SLC9B2: variants seen among roughly 807,000 people sequenced by gnomAD.
SLC9B2 encodes the protein solute carrier family 9 member B2, also known as sodium/hydrogen exchanger 9B2.
A neutral mutation model predicts 52.2 loss-of-function variants in SLC9B2; 39 were observed. The observed-to-expected ratio is 0.75, with a 90% CI of 0.58 to 0.98. SLC9B2 has a LOEUF of 0.98. Ranked by LOEUF, SLC9B2 falls within the 50% of genes least tolerant of loss-of-function variation. SLC9B2 has a pLI of 0.00. For missense variants in SLC9B2, 626 were observed against 637.5 expected (o/e 0.98, Z 0.19); for synonymous variants, 214 against 227.0 (o/e 0.94, Z 0.51).
At position 103,048,977 on chromosome 4, in the gene SLC9B2, C is replaced by T. The variant is rs1439246267; in HGVS notation, c.629G>A (p.Gly210Asp). The T allele has an allele frequency of 5.6e-6, 9 of 1,613,942 alleles. No individual in the cohort carries two copies. In the East Asian group the frequency reaches 1.6e-4, roughly 28 times the overall value. Residue 210 changes from glycine to aspartate, a missense_variant, in exon 6 of 12, where the codon GGT becomes GAT. Physicochemically the swap from Gly to Asp is moderately conservative, Grantham distance 94. Transcript: ENST00000394785. ...LKGVCVRLSMGPCIVEACTSA... is the reference protein window; with the variant it reads ...LKGVCVRLSMDPCIVEACTSA... ...TGTGCACGCCTCCACAATACAGGGA[C>T]CCATGGACAGTCTTACACAAACGCC...
chr4:103,028,766 A>G lies in SLC9B2; in HGVS notation c.1373T>C (p.Leu458Pro). 1 of 1,608,210 alleles carries G rather than the reference A, an allele frequency of 6.2e-7. No homozygotes were observed. The highest frequency in any genetic ancestry group is 8.5e-7 in the Non-Finnish European group (1 of 1,178,130). The change falls in exon 11 of 12, where the codon CTT becomes CCT. Residue 458 changes from leucine (L) to proline (P), a missense_variant. By Grantham distance (98) the Leu-to-Pro change is moderately conservative (BLOSUM62 -3). Transcript: ENST00000394785. ...TCATACCTGAACTGTGGCCTTTGGA[A>G]GCCATGCAAAAGAAATAAATATCTT... ...KEKIFISFAW[L>P]PKATVQAAIG...
intron 10 of SLC9B2, 38 bp from the exon 11 acceptor site, chr4:103,028,921 C>A: frequency 2.0e-6 from 3 of 1,485,016 alleles, no homozygotes; most frequent in South Asian, 1.4e-5. Context: ...TAATAAAATA[C>A]TAGGAGAGAA....
At chr4:103,031,852 T>C (rs1742734719) in intron 9 of SLC9B2, 44 bp from the exon 10 acceptor site, 8 of 1,551,300 alleles carry the variant, frequency 5.2e-6, no homozygotes, top group African/African-American at 1.4e-5. Context: ...TTATGTGAAG[T>C]TACAAATGCA....
chr4:103,029,979 G>T (rs539294851), intron 10 of SLC9B2, among the ~76,000 whole-genome samples: 2 of 152,244 alleles, frequency 1.3e-5, no homozygotes, highest in African/African-American at 4.8e-5. Flanking sequence ...GGAAAGTTTT[G>T]TGGTTCTTTG....
intron 3 of SLC9B2, among the ~76,000 whole-genome samples, chr4:103,064,169 G>A (rs1276856033): frequency 6.6e-6 from 1 of 152,106 alleles, no homozygotes; most frequent in Non-Finnish European, 1.5e-5. Flanking sequence ...AAATGAAATC[G>A]GTATGTTGAA....
At chr4:103,044,616 A>C (rs1300924788) in intron 8 of SLC9B2, among the ~76,000 whole-genome samples, 2 of 152,206 alleles carry the variant, frequency 1.3e-5, no homozygotes, top group African/African-American at 4.8e-5. Context: ...ACACTTAAAA[A>C]ACTTGCATAT....
chr4:103,059,765 T>G (rs550491067), intron 3 of SLC9B2, among the ~76,000 whole-genome samples: 1 of 152,224 alleles, frequency 6.6e-6, no homozygotes, highest in Non-Finnish European at 1.5e-5. Flanking sequence ...TATTTACCAT[T>G]GCATATGAGC....
chr4:103,076,785 CA>C (rs1175936532), upstream of SLC9B2: 1 of 152,306 alleles, frequency 6.6e-6, no homozygotes, highest in East Asian at 1.9e-4. Context: ...GAGAGGAGCA[CA>C]GCGCAGGCTC....
At chr4:103,071,194 A>T (rs566992656) in intron 1 of SLC9B2, among the ~76,000 whole-genome samples, 1 of 151,356 alleles carries the variant, frequency 6.6e-6, no homozygotes, top group Non-Finnish European at 1.5e-5. Flanking sequence ...ATATATATAT[A>T]TTTTGTTGTT....
At chr4:103,045,791 C>T (rs1407483037) in intron 7 of SLC9B2, among the ~76,000 whole-genome samples, 1 of 152,106 alleles carries the variant, frequency 6.6e-6, no homozygotes, top group Admixed American at 6.6e-5. Flanking sequence ...CTGGTTTCCA[C>T]TCCAAAAGGT....
chr4:103,055,257 G>A, intron 4 of SLC9B2, among the ~76,000 whole-genome samples: 2 of 147,280 alleles, frequency 1.4e-5, no homozygotes, highest in East Asian at 2.1e-4. Flanking sequence ...GGGGAGGGAG[G>A]AGGGATAGCA....
At chr4:103,044,779 G>A (rs1743961618) in intron 8 of SLC9B2, 111 bp downstream of exon 8, 3 of 855,002 alleles carry the variant, frequency 3.5e-6, no homozygotes, top group Non-Finnish European at 5.7e-6. Flanking sequence ...TTTAAAATGA[G>A]GAACCATTTG....
chr4:103,029,671 T>A lies in SLC9B2; in HGVS notation c.1256-788A>T, dbSNP rs114981554. Among the ~76,000 whole-genome samples the A allele has an allele frequency of 4.4e-3, 675 of 152,190 alleles. 8 individuals carry two copies. The highest frequency in any genetic ancestry group is 0.016 in the African/African-American group (653 of 41,510). On this transcript the variant is annotated intron_variant, in intron 10 of 11. Transcript: ENST00000394785. ...TTGCCAAACAAGGGATTGTGAGTAGTGCTGCTACATGCTACTGGACCTAAG... is the reference window on the plus strand; with the variant it reads ...TTGCCAAACAAGGGATTGTGAGTAGAGCTGCTACATGCTACTGGACCTAAG...
chr4:103,019,806 GT>G, downstream of SLC9B2: 1 of 985,636 alleles, frequency 1.0e-6, no homozygotes, highest in Non-Finnish European at 1.2e-6. Context: ...GGGTTCTGGG[GT>G]TTCTGGGACT....
At chr4:103,052,685 GT>G (rs922227867) in intron 4 of SLC9B2, among the ~76,000 whole-genome samples, 8 of 151,554 alleles carry the variant, frequency 5.3e-5, no homozygotes, top group African/African-American at 1.5e-4. Context: ...ATGTTAAGAG[GT>G]TTTTTTGTTT....
intron 1 of SLC9B2, among the ~76,000 whole-genome samples, chr4:103,071,618 C>T (rs555120208): frequency 9.2e-5 from 14 of 152,028 alleles, no homozygotes; most frequent in African/African-American, 3.4e-4. Context: ...ACCTCATGAT[C>T]CACCTGCCTC....
Position 103,066,508 on chromosome 4 carries a change from C to T in SLC9B2, c.91-1G>A. The T allele has an allele frequency of 1.2e-6, 2 of 1,609,530 alleles. No homozygotes were observed. Among genetic ancestry groups the T allele is most frequent in the South Asian group, 2.2e-5 (2 of 90,424 alleles). ...CTTTGAGCTTCATAACTGTCTCCTC[C>T]TGTGTTTAAAGTAATTTTAAAAATC... On this transcript the variant is annotated splice_acceptor_variant, in intron 2 of 11. Coordinates refer to ENST00000394785, the MANE Select transcript of SLC9B2 (RefSeq NM_178833.7). LOFTEE classifies it high-confidence loss of function.
downstream of SLC9B2, chr4:103,019,697 C>A: frequency 1.0e-6 from 1 of 985,490 alleles, no homozygotes; most frequent in Non-Finnish European, 1.2e-6. Flanking sequence ...AGGGTGGTGA[C>A]GCGAAAGCCC....
At position 103,026,233 on chromosome 4, in the gene SLC9B2, TA is replaced by T; in HGVS notation, c.*136del. The T allele has an allele frequency of 2.6e-6, 2 of 775,258 alleles. No individual in the cohort carries two copies. Among genetic ancestry groups the T allele is most frequent in the Non-Finnish European group, 2.0e-6 (1 of 492,580 alleles). 48.0% of individuals were successfully genotyped at this position (775,258 alleles called of 1,614,324 possible). A position where few individuals can be genotyped will look rare whatever the true frequency, so the allele number is the denominator to read the frequency against. On this transcript the variant is annotated 3_prime_UTR_variant, in exon 12 of 12. Coordinates refer to ENST00000394785, the MANE Select transcript of SLC9B2 (RefSeq NM_178833.7). The stretch of plus-strand genomic sequence containing the variant: ...CCACCCACATGGAAAGAGCAAGGGC[TA>T]AAAATGCTGTTTAAAGAAACAGCTA...
Sources: allele counts gnomAD v4.1 joint callset (sites outside exome capture counted in the v4.1 genomes callset), GRCh38; gene constraint gnomAD v4.1.1; transcripts MANE v1.5; gene names NCBI Gene and HGNC (gene_info 2026-07-23, HGNC 2026-07-21).